ADCY9: variants seen among roughly 807,000 people sequenced by gnomAD.
ADCY9 encodes the protein adenylate cyclase type 9.
Under a neutral mutation model 101.5 loss-of-function variants are expected in ADCY9, and 50 were observed. That is an observed-to-expected ratio of 0.49 (90% CI 0.39 to 0.62). The LOEUF is 0.62. Among genes scored for constraint, ADCY9 ranks in the 20% least tolerant of loss-of-function variants. The pLI is 0.00. For synonymous variants in ADCY9, 905 were observed against 769.3 expected (o/e 1.18, Z -2.92); for missense variants, 1,662 against 1,800.4 (o/e 0.92, Z 1.39).
At chr16:3,980,609 G>A (rs2056133189) in intron 7 of ADCY9, among the ~76,000 whole-genome samples, 1 of 152,218 alleles carries the variant, frequency 6.6e-6, no homozygotes, top group South Asian at 2.1e-4. Context: ...CCTCTTGGCT[G>A]CGTGGTGTGG....
intron 2 of ADCY9, among the ~76,000 whole-genome samples, chr16:4,008,093 G>A (rs1228343931): frequency 6.6e-6 from 1 of 151,986 alleles, no homozygotes; most frequent in Non-Finnish European, 1.5e-5. Flanking sequence ...CAGACTCAGA[G>A]CTGTTGAGCA....
intron 2 of ADCY9, among the ~76,000 whole-genome samples, chr16:4,013,293 G>A (rs1047484256): frequency 1.4e-4 from 21 of 151,800 alleles, no homozygotes; most frequent in Non-Finnish European, 2.6e-4. Context: ...GGCGGCACAC[G>A]CCTGTAAATC....
At chr16:4,023,793 C>T (rs2141743606) in intron 2 of ADCY9, among the ~76,000 whole-genome samples, 1 of 152,074 alleles carries the variant, frequency 6.6e-6, no homozygotes, top group East Asian at 2.0e-4. Flanking sequence ...GCCTGTGATC[C>T]CAGCTACTTG....
chr16:4,035,828 C>T lies in ADCY9; in HGVS notation c.1694-28270G>A, dbSNP rs191203756. Among the ~76,000 whole-genome samples, 4 of 151,830 alleles carry T rather than the reference C, an allele frequency of 2.6e-5. No homozygotes were observed. The East Asian group carries it at 7.7e-4, about 29-fold the overall frequency. On this transcript the variant is annotated intron_variant, in intron 2 of 10. Coordinates refer to ENST00000294016, the MANE Select transcript of ADCY9 (RefSeq NM_001116.4). ...CAGCCTGACCAACATGGAAAAACCC[C>T]GTCTCTACTAAAAATACAAAATTAG...
chr16:4,085,177 C>A (rs2056929729), intron 2 of ADCY9, among the ~76,000 whole-genome samples: 1 of 152,138 alleles, frequency 6.6e-6, no homozygotes, highest in Non-Finnish European at 1.5e-5. Flanking sequence ...GCCTGGCCAA[C>A]ATGGCCAAAC....
chr16:4,063,794 G>T (rs2056785909), intron 2 of ADCY9, among the ~76,000 whole-genome samples: 1 of 151,474 alleles, frequency 6.6e-6, no homozygotes, highest in South Asian at 2.1e-4. Context: ...AAAGCAGAAG[G>T]AAGGCAATAA....
In ADCY9 at chr16:3,966,511, G is replaced by T. The variant is rs2055997668; in HGVS notation, c.3326C>A (p.Thr1109Asn). The change falls in exon 11 of 11, where the codon ACC (threonine) becomes AAC (asparagine). Residue 1109 changes from threonine to asparagine, a missense_variant. Coordinates refer to ENST00000294016, the MANE Select transcript of ADCY9 (RefSeq NM_001116.4). ...PDYSSIEKIK[T>N]IGATYMAASG... ...CGCCGCCATGTACGTGGCTCCGATG[G>T]TCTTGATCTTCTCGATGCTGCTGTA... 1 of 1,614,182 alleles carries T rather than the reference G, an allele frequency of 6.2e-7. No homozygotes were observed. Among genetic ancestry groups the T allele is most frequent in the Non-Finnish European group, 8.5e-7 (1 of 1,180,048 alleles).
At chr16:4,040,135 G>A (rs1018198482) in intron 2 of ADCY9, among the ~76,000 whole-genome samples, 1 of 152,124 alleles carries the variant, frequency 6.6e-6, no homozygotes, top group Non-Finnish European at 1.5e-5. Flanking sequence ...CATTCATCTA[G>A]GCTAAAATTT....
intron 3 of ADCY9, among the ~76,000 whole-genome samples, chr16:3,997,413 G>A (rs143017143): frequency 6.6e-6 from 1 of 152,358 alleles, no homozygotes; most frequent in East Asian, 1.9e-4. Context: ...CTGGGGGCCT[G>A]GGGCAGTGGT....
At chr16:3,983,121 C>A in intron 7 of ADCY9, 111 bp downstream of exon 7, 1 of 1,044,876 alleles carries the variant, frequency 9.6e-7, no homozygotes. Context: ...CAGAAATCAG[C>A]CAGCAGGGAC....
At chr16:4,110,987 C>T (rs1357624927) in intron 2 of ADCY9, among the ~76,000 whole-genome samples, 1 of 152,242 alleles carries the variant, frequency 6.6e-6, no homozygotes, top group Non-Finnish European at 1.5e-5. Context: ...GCTCCACGAT[C>T]ACGGATCCTG....
chr16:4,004,275 A>C (rs1383196188), intron 3 of ADCY9, among the ~76,000 whole-genome samples: 9 of 145,874 alleles, frequency 6.2e-5, no homozygotes, highest in African/African-American at 9.9e-5. Flanking sequence ...AAAAAAAAAG[A>C]AGCCAACACT....
intron 2 of ADCY9, among the ~76,000 whole-genome samples, chr16:4,071,331 C>CAA (rs2056832322): frequency 2.1e-4 from 2 of 9,384 alleles, no homozygotes. Context: ...AACTCAGTCT[C>CAA]CAAAAAAAAA....
chr16:4,093,469 A>G (rs2056985333), intron 2 of ADCY9, among the ~76,000 whole-genome samples: 1 of 152,242 alleles, frequency 6.6e-6, no homozygotes, highest in South Asian at 2.1e-4. Context: ...CTTTCAGGAA[A>G]ACGTCTGGAC....
chr16:4,058,372 G>A (rs1275230599), intron 2 of ADCY9, among the ~76,000 whole-genome samples: 1 of 151,472 alleles, frequency 6.6e-6, no homozygotes, highest in Non-Finnish European at 1.5e-5. Flanking sequence ...GGCTGAGGCA[G>A]GAGAATCACT....
intron 2 of ADCY9, among the ~76,000 whole-genome samples, chr16:4,012,627 G>A (rs1256104132): frequency 1.3e-5 from 2 of 152,212 alleles, no homozygotes; most frequent in East Asian, 1.9e-4. Context: ...AAAGGCTACA[G>A]AGAGGGGTGG....
intron 7 of ADCY9, 103 bp downstream of exon 7, chr16:3,983,129 G>A: frequency 2.7e-6 from 3 of 1,094,524 alleles, no homozygotes; most frequent in Non-Finnish European, 3.8e-6. Context: ...AGCCAGCAGG[G>A]ACAGCTGGCT....
intron 2 of ADCY9, among the ~76,000 whole-genome samples, chr16:4,047,294 A>AGAAG (rs1440682369): frequency 1.3e-5 from 2 of 151,166 alleles, no homozygotes; most frequent in African/African-American, 4.9e-5. Context: ...AAAGAAAGAA[A>AGAAG]GAAAAGAGAG....
At chr16:3,985,874 G>A (rs1329615450) in intron 6 of ADCY9, among the ~76,000 whole-genome samples, 1 of 152,086 alleles carries the variant, frequency 6.6e-6, no homozygotes, top group African/African-American at 2.4e-5. Context: ...GAGGCTCCCA[G>A]GCCCATCTGC....
Sources: gnomAD v4.1 joint callset for allele counts (sites outside exome capture counted in the v4.1 genomes callset) on GRCh38, gnomAD v4.1.1 for gene constraint, MANE v1.5 for transcripts, NCBI Gene and HGNC (gene_info 2026-07-23, HGNC 2026-07-21) for gene names.